NRXN1: variants seen among roughly 807,000 people sequenced by gnomAD.
NRXN1 encodes neurexin 1.
A neutral mutation model predicts 150.9 loss-of-function variants in NRXN1; 39 were observed. The observed-to-expected ratio is 0.26, with a 90% CI of 0.20 to 0.34. NRXN1 has a LOEUF of 0.34. NRXN1 is among the 10% of genes least tolerant of loss of function. The pLI is 1.00. For synonymous variants in NRXN1, 924 were observed against 757.0 expected (o/e 1.22, Z -3.62); for missense variants, 1,815 against 1,949.9 (o/e 0.93, Z 1.30).
intron 18 of NRXN1, among the ~76,000 whole-genome samples, chr2:50,184,127 C>T (rs571507910): frequency 3.9e-5 from 6 of 152,154 alleles, no homozygotes; most frequent in African/African-American, 1.4e-4. Context: ...TAATATTCTA[C>T]ACAGACTCCA....
At chr2:50,953,490 T>G (rs1178121943) in intron 2 of NRXN1, among the ~76,000 whole-genome samples, 1 of 151,908 alleles carries the variant, frequency 6.6e-6, no homozygotes, top group African/African-American at 2.4e-5. Flanking sequence ...CCCTAAAAAT[T>G]GAAATTGAAG....
chr2:50,721,748 A>C (rs1307987176), intron 5 of NRXN1, among the ~76,000 whole-genome samples: 2 of 152,160 alleles, frequency 1.3e-5, no homozygotes, highest in African/African-American at 4.8e-5. Flanking sequence ...ATTTTACTTC[A>C]TAAAACCCAA....
At chr2:50,703,969 T>C (rs1006575735) in intron 5 of NRXN1, among the ~76,000 whole-genome samples, 1 of 152,034 alleles carries the variant, frequency 6.6e-6, no homozygotes, top group African/African-American at 2.4e-5. Flanking sequence ...AAAAGCACAA[T>C]TCAAAATATA....
chr2:50,455,117 C>T (rs150927542), intron 17 of NRXN1, among the ~76,000 whole-genome samples: 292 of 152,282 alleles, frequency 1.9e-3, no homozygotes, highest in African/African-American at 6.8e-3. Context: ...AAGAACAAAG[C>T]ATGCTGTAGA....
chr2:51,001,233 T>A (rs34518976), intron 2 of NRXN1, among the ~76,000 whole-genome samples: 11 of 21,368 alleles, frequency 5.1e-4, no homozygotes, highest in African/African-American at 3.4e-3. Flanking sequence ...ATTCATGGGG[T>A]TGGGGGGGGG....
intron 17 of NRXN1, among the ~76,000 whole-genome samples, chr2:50,253,534 G>T (rs2067375194): frequency 6.6e-6 from 1 of 152,014 alleles, no homozygotes; most frequent in Non-Finnish European, 1.5e-5. Context: ...TTCTGTATAA[G>T]ATTTGCTGTG....
intron 5 of NRXN1, among the ~76,000 whole-genome samples, chr2:50,893,114 C>A (rs1681338167): frequency 6.6e-6 from 1 of 152,148 alleles, no homozygotes; most frequent in South Asian, 2.1e-4. Context: ...CCCTTTCTAT[C>A]TGGATTCTTT....
At chr2:50,932,640 G>A (rs1419582987) in intron 2 of NRXN1, among the ~76,000 whole-genome samples, 5 of 151,902 alleles carry the variant, frequency 3.3e-5, no homozygotes, top group Admixed American at 2.0e-4. Context: ...TACACTGCTC[G>A]GGTGATGGGT....
At chr2:50,859,094 G>A (rs1010636785) in intron 5 of NRXN1, among the ~76,000 whole-genome samples, 2 of 151,946 alleles carry the variant, frequency 1.3e-5, no homozygotes, top group African/African-American at 4.8e-5. Flanking sequence ...TGAACCTAAC[G>A]GCCTAAGAAT....
chr2:50,442,833 G>T (rs1202351376), intron 17 of NRXN1, among the ~76,000 whole-genome samples: 1 of 152,150 alleles, frequency 6.6e-6, no homozygotes, highest in South Asian at 2.1e-4. Flanking sequence ...AGTCACAGAG[G>T]AAGGAGGACA....
At chr2:50,406,179 G>A (rs1230388247) in intron 17 of NRXN1, among the ~76,000 whole-genome samples, 1 of 151,860 alleles carries the variant, frequency 6.6e-6, no homozygotes, top group Non-Finnish European at 1.5e-5. Flanking sequence ...GATACCTCTA[G>A]GAATAAGTCT....
intron 18 of NRXN1, among the ~76,000 whole-genome samples, chr2:50,172,308 G>A (rs1053990355): frequency 3.0e-4 from 46 of 152,196 alleles, no homozygotes; most frequent in Middle Eastern, 3.4e-3. Context: ...AAAAATAGAA[G>A]TAATAACAAG....
At chr2:50,531,173 A>AC in intron 11 of NRXN1, 54 bp downstream of exon 11, 2 of 1,456,834 alleles carry the variant, frequency 1.4e-6, no homozygotes. Context: ...TTTGCAGGCA[A>AC]ATTGAACAAA....
chr2:50,162,150 C>G (rs2059402683), intron 18 of NRXN1, among the ~76,000 whole-genome samples: 1 of 152,170 alleles, frequency 6.6e-6, no homozygotes, highest in South Asian at 2.1e-4. Context: ...TGCTCCTTAT[C>G]CAAACTGATT....
rs541670226 is a variant in NRXN1, at chr2:50,138,008, A to C, written c.3547-46514T>G. Among the ~76,000 whole-genome samples, 384 of 152,348 alleles carry C rather than the reference A, an allele frequency of 2.5e-3. 4 individuals carry two copies. The highest frequency in any genetic ancestry group is 6.4e-3 in the South Asian group (31 of 4,832). On this transcript the variant is annotated intron_variant, in intron 18 of 22. Transcript: ENST00000401669. The stretch of plus-strand genomic sequence containing the variant: ...ACTTGTATAATTTTAATGCAAGCTA[A>C]GCCAATTGTTTTCTAACAAAAGCTG...
At chr2:50,168,737 C>A (rs976975256) in intron 18 of NRXN1, among the ~76,000 whole-genome samples, 1 of 152,116 alleles carries the variant, frequency 6.6e-6, no homozygotes, top group African/African-American at 2.4e-5. Context: ...GGTTGACAAG[C>A]CCAGGACTTA....
At chr2:50,163,081 G>T (rs2059455318) in intron 18 of NRXN1, among the ~76,000 whole-genome samples, 1 of 149,426 alleles carries the variant, frequency 6.7e-6, no homozygotes, top group African/African-American at 2.5e-5. Context: ...AATTTGAGTT[G>T]AAAATTAGAC....
intron 5 of NRXN1, among the ~76,000 whole-genome samples, chr2:50,770,404 G>T (rs1366607705): frequency 6.6e-6 from 1 of 151,812 alleles, no homozygotes; most frequent in African/African-American, 2.4e-5. Context: ...AAATGCATCA[G>T]TGAATTCTGG....
At chr2:50,313,746 A>T (rs927799435) in intron 17 of NRXN1, among the ~76,000 whole-genome samples, 1 of 152,108 alleles carries the variant, frequency 6.6e-6, no homozygotes, top group Non-Finnish European at 1.5e-5. Flanking sequence ...AGACATCAGG[A>T]TTGCTAGGAT....
Sources: allele counts gnomAD v4.1 joint callset (sites outside exome capture counted in the v4.1 genomes callset), GRCh38; gene constraint gnomAD v4.1.1; transcripts MANE v1.5; gene names NCBI Gene and HGNC (gene_info 2026-07-23, HGNC 2026-07-21).